The following CNTLN variants were observed in gnomAD, a reference collection of about 807,000 sequenced individuals.
CNTLN encodes the protein centlein, centrosomal protein.
Under a neutral mutation model 180.0 loss-of-function variants are expected in CNTLN, and 212 were observed. That is an observed-to-expected ratio of 1.18 (90% confidence interval 1.05 to 1.32). The LOEUF (loss-of-function observed/expected upper bound fraction) is 1.32. Ranked by LOEUF, CNTLN falls within the 40% of genes most tolerant of loss-of-function variation. The pLI is 0.00. For synonymous variants in CNTLN, 722 were observed against 563.1 expected (o/e 1.28, Z -3.99); for missense variants, 2,095 against 1,610.9 (o/e 1.30, Z -5.14).
chr9:17,416,231 T>G (rs1214308129), intron 18 of CNTLN, 42 bp downstream of exon 18: 1 of 1,453,662 alleles, frequency 6.9e-7, no homozygotes, highest in African/African-American at 1.4e-5. Flanking sequence ...TACTATATTG[T>G]AAAAGTGGAT....
In CNTLN at chr9:17,162,508, A is replaced by G. The variant is rs371935781; in HGVS notation, c.449+19132A>G. ...CTTAAGTTCCTATACTTTGTTACAC[A>G]CTACCTTCACTAGAGATACACTAAG... On this transcript the variant is annotated intron_variant, in intron 2 of 25. Coordinates refer to ENST00000380647, the MANE Select transcript of CNTLN (RefSeq NM_017738.4). Among the ~76,000 whole-genome samples the G allele has an allele frequency of 2.4e-3, 363 of 152,328 alleles. 20 individuals are homozygous for G. The South Asian group carries it at 0.073, about 31-fold the overall frequency.
At chr9:17,365,064 G>T (rs924574946) in intron 12 of CNTLN, among the ~76,000 whole-genome samples, 7 of 152,186 alleles carry the variant, frequency 4.6e-5, no homozygotes, top group African/African-American at 1.4e-4. Flanking sequence ...AGGGCCATGG[G>T]TCTAAATGTC....
chr9:17,338,319 C>A lies in CNTLN; in HGVS notation c.1645-2508C>A, dbSNP rs562583761. ...AGCTGAGATTACAGGCACCTGCTAT[C>A]ACTCCTGGCTAATTTTTGTTTTTTT... On this transcript the variant is annotated intron_variant, in intron 10 of 25. Coordinates refer to ENST00000380647, the MANE Select transcript of CNTLN (RefSeq NM_017738.4). Among the ~76,000 whole-genome samples, 23 of 137,498 alleles carry A rather than the reference C, an allele frequency of 1.7e-4. 1 individual carries two copies. The East Asian group carries it at 5.1e-3, about 31-fold the overall frequency. 90.2% of individuals were successfully genotyped at this position (137,498 alleles called of 152,430 possible).
chr9:17,523,001 A>G, the CNTLN span, among the ~76,000 whole-genome samples: 1 of 152,096 alleles, frequency 6.6e-6, no homozygotes, highest in African/African-American at 2.4e-5. Flanking sequence ...TTCCAAAATC[A>G]CTGAGTAAAA....
chr9:17,140,986 C>T (rs559111207), intron 1 of CNTLN, among the ~76,000 whole-genome samples: 2 of 152,178 alleles, frequency 1.3e-5, no homozygotes, highest in East Asian at 3.9e-4. Flanking sequence ...AAATTAATAA[C>T]TTGCTTTTTC....
At chr9:17,160,691 A>G (rs1819618354) in intron 2 of CNTLN, among the ~76,000 whole-genome samples, 1 of 152,224 alleles carries the variant, frequency 6.6e-6, no homozygotes, top group African/African-American at 2.4e-5. Context: ...ATAAGCCACC[A>G]AAGAAAATAA....
intron 6 of CNTLN, among the ~76,000 whole-genome samples, chr9:17,291,061 A>C (rs544993212): frequency 6.6e-6 from 1 of 152,088 alleles, no homozygotes; most frequent in South Asian, 2.1e-4. Flanking sequence ...TTCATTATAT[A>C]CCCAGGAGTC....
intron 23 of CNTLN, among the ~76,000 whole-genome samples, chr9:17,483,524 C>G (rs77497039): frequency 6.6e-6 from 1 of 152,144 alleles, no homozygotes; most frequent in Non-Finnish European, 1.5e-5. Context: ...ATTGCTTGTG[C>G]TAACAAAAGA....
chr9:17,359,744 A>AC (rs1384389931), intron 12 of CNTLN, among the ~76,000 whole-genome samples: 2 of 50,242 alleles, frequency 4.0e-5, no homozygotes, highest in Non-Finnish European at 1.1e-4. Context: ...AAAAAAAAAA[A>AC]AAAAAACTAG....
At chr9:17,216,794 A>G (rs1823787782) in intron 2 of CNTLN, among the ~76,000 whole-genome samples, 1 of 152,188 alleles carries the variant, frequency 6.6e-6, no homozygotes, top group Non-Finnish European at 1.5e-5. Context: ...TCCCATGTGT[A>G]TTAAGCCAAC....
At chr9:17,161,033 A>T (rs1819641553) in intron 2 of CNTLN, among the ~76,000 whole-genome samples, 1 of 152,166 alleles carries the variant, frequency 6.6e-6, no homozygotes, top group South Asian at 2.1e-4. Context: ...TAAGAATTTG[A>T]TAAATACTAT....
chr9:17,396,696 C>A (rs1826552848), intron 15 of CNTLN, among the ~76,000 whole-genome samples: 1 of 152,270 alleles, frequency 6.6e-6, no homozygotes, highest in East Asian at 1.9e-4. Context: ...AAGGTTAGGT[C>A]ACACCCCAGA....
At chr9:17,164,362 CAA>C (rs199644135) in intron 2 of CNTLN, among the ~76,000 whole-genome samples, 107 of 83,890 alleles carry the variant, frequency 1.3e-3, no homozygotes, top group Middle Eastern at 7.8e-3. Flanking sequence ...TTCATTCTTT[CAA>C]AAAAAAAAAA....
At chr9:17,398,457 C>G (rs1197581170) in intron 15 of CNTLN, among the ~76,000 whole-genome samples, 1 of 152,094 alleles carries the variant, frequency 6.6e-6, no homozygotes, top group East Asian at 1.9e-4. Context: ...AAGGGGAGAT[C>G]TGCAAAGTCC....
rs549061983 is a variant in CNTLN at position 17,187,688 on chromosome 9, A to G, written c.450-38515A>G. Among the ~76,000 whole-genome samples, 19 of 151,660 alleles carry G rather than the reference A, an allele frequency of 1.3e-4. No individual in the cohort carries two copies. In the East Asian group the frequency reaches 3.1e-3, roughly 25 times the overall value. ...CAATGCCTGTGTAGTATTTCACTTTATGAATTTAACATAATTTATTGTTAT... is the reference window on the plus strand; with the variant it reads ...CAATGCCTGTGTAGTATTTCACTTTGTGAATTTAACATAATTTATTGTTAT... On this transcript the variant is annotated intron_variant, in intron 2 of 25. Coordinates refer to ENST00000380647, the MANE Select transcript of CNTLN (RefSeq NM_017738.4).
At chr9:17,508,024 G>A (rs900502533), downstream of CNTLN, among the ~76,000 whole-genome samples, 2 of 152,132 alleles carry the variant, frequency 1.3e-5, no homozygotes, top group African/African-American at 4.8e-5. Context: ...TGACCCTAGC[G>A]TGAAGGCCTC....
chr9:17,212,753 G>A (rs961304835), intron 2 of CNTLN, among the ~76,000 whole-genome samples: 6 of 152,048 alleles, frequency 3.9e-5, no homozygotes, highest in East Asian at 1.9e-4. Context: ...GTCTATTCAG[G>A]GATTCAACTT....
rs191973213 is a variant in CNTLN, at chr9:17,178,967, G to A, written c.449+35591G>A. ...CTCTCAGAAGTGTAGATTATTGGCC[G>A]GGCGCGGTGGCTCACGCCTGTAATC... On this transcript the variant is annotated intron_variant, in intron 2 of 25. Transcript: ENST00000380647. 2.9e-3 allele frequency among the ~76,000 whole-genome samples: 426 copies of A among 146,148 alleles called. 22 individuals carry two copies. The highest frequency in any genetic ancestry group is 9.6e-3 in the African/African-American group (358 of 37,308).
At chr9:17,202,653 T>G (rs1367617236) in intron 2 of CNTLN, among the ~76,000 whole-genome samples, 3 of 107,406 alleles carry the variant, frequency 2.8e-5, no homozygotes, top group Admixed American at 1.8e-4. Context: ...TCTGTTTTTT[T>G]TTTTTTTTTT....
Sources: allele counts gnomAD v4.1 joint callset (sites outside exome capture counted in the v4.1 genomes callset), GRCh38; gene constraint gnomAD v4.1.1; transcripts MANE v1.5; gene names NCBI Gene and HGNC (gene_info 2026-07-23, HGNC 2026-07-21).